Variants in PLXNA4 observed in about 807,000 individuals in gnomAD.
PLXNA4 encodes the protein plexin A4, also known as plexin-A4.
Under a neutral mutation model 191.8 loss-of-function variants are expected in PLXNA4, and 44 were observed. That is an observed-to-expected ratio of 0.23 (90% CI 0.18 to 0.29). The LOEUF is 0.29. Among genes scored for constraint, PLXNA4 ranks in the 10% least tolerant of loss-of-function variants. PLXNA4 has a pLI of 1.00. For missense variants in PLXNA4, 1,800 were observed against 2,488.8 expected (o/e 0.72, Z 5.89); for synonymous variants, 1,082 against 1,009.5 (o/e 1.07, Z -1.36).
intron 3 of PLXNA4, among the ~76,000 whole-genome samples, chr7:132,437,501 G>A (rs1240269414): frequency 1.3e-5 from 2 of 151,632 alleles, no homozygotes; most frequent in Non-Finnish European, 2.9e-5. Flanking sequence ...GAGTTAGGGG[G>A]TTGTGCATGT....
chr7:132,386,716 C>T (rs901574765), intron 3 of PLXNA4, among the ~76,000 whole-genome samples: 2 of 152,098 alleles, frequency 1.3e-5, no homozygotes, highest in East Asian at 1.9e-4. Flanking sequence ...ACATTGAGCT[C>T]GGAAAACAGG....
intron 3 of PLXNA4, among the ~76,000 whole-genome samples, chr7:132,413,534 A>G (rs1031697959): frequency 6.6e-6 from 1 of 152,188 alleles, no homozygotes; most frequent in Non-Finnish European, 1.5e-5. Flanking sequence ...CAACCCCAAC[A>G]GACATGGCCT....
intron 3 of PLXNA4, among the ~76,000 whole-genome samples, chr7:132,411,664 A>G (rs1794465554): frequency 6.6e-6 from 1 of 152,172 alleles, no homozygotes; most frequent in Non-Finnish European, 1.5e-5. Context: ...ATCTCAGTAA[A>G]CATTGAGGAA....
At chr7:132,391,407 T>C (rs2116993289) in intron 3 of PLXNA4, among the ~76,000 whole-genome samples, 2 of 152,366 alleles carry the variant, frequency 1.3e-5, no homozygotes, top group East Asian at 3.9e-4. Context: ...TGTGCTGATA[T>C]GTTCTAATTA....
intron 3 of PLXNA4, chr7:132,385,045 C>T (rs1192797887): frequency 1.4e-6 from 2 of 1,463,884 alleles, no homozygotes; most frequent in African/African-American, 2.9e-5. Flanking sequence ...AGTCTTTTTT[C>T]CCTAAGGACT....
intron 3 of PLXNA4, among the ~76,000 whole-genome samples, chr7:132,371,947 G>A (rs1804458345): frequency 6.6e-6 from 1 of 152,134 alleles, no homozygotes; most frequent in African/African-American, 2.4e-5. Context: ...TGCATCCAAA[G>A]CCAAAAAGAC....
chr7:132,273,651 G>C lies in PLXNA4; in HGVS notation c.1503+24440C>G, dbSNP rs12164095. 4.8e-3 allele frequency among the ~76,000 whole-genome samples: 737 copies of C among 152,208 alleles called. 17 individuals are homozygous for C. In the East Asian group the frequency reaches 0.061, roughly 13 times the overall value. On this transcript the variant is annotated intron_variant, in intron 4 of 31. Transcript: ENST00000321063. ...GCCATAGTGTTGACTGAGAACCTAG[G>C]ACTCCCTACTTGAGTTTCCTCTCCA...
intron 30 of PLXNA4, among the ~76,000 whole-genome samples, chr7:132,137,834 G>A (rs1429302071): frequency 2.6e-5 from 4 of 151,934 alleles, no homozygotes; most frequent in Admixed American, 6.6e-5. Flanking sequence ...CAGGCGGGAC[G>A]ATGGGTTAGA....
At chr7:132,476,255 T>G (rs1797125785) in intron 3 of PLXNA4, among the ~76,000 whole-genome samples, 3 of 152,168 alleles carry the variant, frequency 2.0e-5, no homozygotes, top group Admixed American at 2.0e-4. Context: ...GGGCAACTCC[T>G]TAAGAGCTTT....
At chr7:132,437,583 A>C (rs1313616116) in intron 3 of PLXNA4, among the ~76,000 whole-genome samples, 1 of 150,918 alleles carries the variant, frequency 6.6e-6, no homozygotes, top group African/African-American at 2.4e-5. Flanking sequence ...AAAAAAAAAA[A>C]AACAGAAAAA....
chr7:132,536,155 G>A (rs1356430676), intron 1 of PLXNA4, among the ~76,000 whole-genome samples: 3 of 152,210 alleles, frequency 2.0e-5, no homozygotes, highest in Non-Finnish European at 4.4e-5. Context: ...CTTTTGTGAA[G>A]ATTAAATGAG....
At chr7:132,367,492 G>T (rs890344644) in intron 3 of PLXNA4, among the ~76,000 whole-genome samples, 7 of 152,022 alleles carry the variant, frequency 4.6e-5, no homozygotes, top group Admixed American at 2.6e-4. Flanking sequence ...AGAAGAAAGG[G>T]GGGGTGAAGG....
intron 3 of PLXNA4, among the ~76,000 whole-genome samples, chr7:132,425,653 G>T (rs74995036): frequency 0.028 from 4,195 of 152,260 alleles, 239 homozygotes; most frequent in East Asian, 0.27. Flanking sequence ...CACTCAGCCA[G>T]AAAATCATAC....
At chr7:132,271,122 T>G (rs1331251569) in intron 4 of PLXNA4, 1 of 152,116 alleles carries the variant, frequency 6.6e-6, no homozygotes, top group East Asian at 1.9e-4. Flanking sequence ...GCAACAATAA[T>G]ATTGACCACG....
chr7:132,479,290 T>A lies in PLXNA4; in HGVS notation c.1371+10002A>T, dbSNP rs865921091. 2.0e-4 allele frequency among the ~76,000 whole-genome samples: 30 copies of A among 148,140 alleles called. No individual in the cohort carries two copies. In the South Asian group the frequency reaches 2.6e-3, roughly 13 times the overall value. On this transcript the variant is annotated intron_variant, in intron 3 of 31. Transcript: ENST00000321063. Reference sequence around the variant, plus strand: ...TCTCTTTGGGAAAAAAAAAAAAAAATTCCCAAAAGGAAAACTGGGACTAGG... The same window carrying A: ...TCTCTTTGGGAAAAAAAAAAAAAAAATCCCAAAAGGAAAACTGGGACTAGG...
intron 3 of PLXNA4, among the ~76,000 whole-genome samples, chr7:132,340,153 A>C (rs73157301): frequency 0.038 from 5,732 of 152,318 alleles, 163 homozygotes; most frequent in Middle Eastern, 0.075. Context: ...GTTGAGACAG[A>C]GACTCAGTGG....
chr7:132,459,818 C>T (rs1283481859), intron 3 of PLXNA4, among the ~76,000 whole-genome samples: 7 of 152,154 alleles, frequency 4.6e-5, no homozygotes. Flanking sequence ...CTTCCGGTTT[C>T]GATGATCTAA....
At chr7:132,460,035 T>G (rs568795588) in intron 3 of PLXNA4, among the ~76,000 whole-genome samples, 72 of 151,684 alleles carry the variant, frequency 4.7e-4, no homozygotes, top group South Asian at 8.3e-4. Flanking sequence ...TACTTATGGC[T>G]GTGTACAATT....
intron 31 of PLXNA4, among the ~76,000 whole-genome samples, chr7:132,132,498 T>TCTGCTCTGCTCTGC (rs1563048590): frequency 2.5e-5 from 1 of 39,742 alleles, no homozygotes; most frequent in African/African-American, 1.2e-4. Context: ...CTCTATTCTT[T>TCTGCTCTGCTCTGC]TCTATTCTAT....
Sources: allele counts gnomAD v4.1 joint callset (sites outside exome capture counted in the v4.1 genomes callset), GRCh38; gene constraint gnomAD v4.1.1; transcripts MANE v1.5; gene names NCBI Gene and HGNC (gene_info 2026-07-23, HGNC 2026-07-21).